DLGAP2: variants seen among roughly 807,000 people sequenced by gnomAD.
The protein encoded by DLGAP2 is disks large-associated protein 2.
In DLGAP2, 26 loss-of-function variants were observed where a neutral mutation model predicts 100.3. The observed-to-expected ratio is 0.26, with a 90% CI of 0.19 to 0.36. The LOEUF is 0.36. Ranked by LOEUF, DLGAP2 falls within the 10% of genes least tolerant of loss-of-function variation. The pLI, the probability that DLGAP2 is intolerant of heterozygous loss-of-function variation, is 1.00. For synonymous variants in DLGAP2, 886 were observed against 630.1 expected, an observed-to-expected ratio of 1.41 and a Z score of -6.08; for missense variants, 1,858 against 1,453.2, an observed-to-expected ratio of 1.28 and a Z score of -4.53.
chr8:1,317,334 C>G (rs1379432474), intron 3 of DLGAP2, among the ~76,000 whole-genome samples: 7 of 127,968 alleles, frequency 5.5e-5, no homozygotes, highest in African/African-American at 9.0e-5. Context: ...AGTGCAGCGT[C>G]TCTCCAACAG....
chr8:1,106,520 G>A (rs554518213), intron 2 of DLGAP2, among the ~76,000 whole-genome samples: 92 of 151,224 alleles, frequency 6.1e-4, no homozygotes, highest in Non-Finnish European at 9.0e-4. Flanking sequence ...GGCCATTCTA[G>A]GAGGGTTTTC....
chr8:1,688,560 C>G (rs1414653105), intron 12 of DLGAP2: 3 of 152,174 alleles, frequency 2.0e-5, no homozygotes, highest in Non-Finnish European at 4.4e-5. Flanking sequence ...AGAGAGAACA[C>G]AGGACAACAC....
At chr8:1,420,499 A>C (rs1674435927) in intron 3 of DLGAP2, among the ~76,000 whole-genome samples, 1 of 152,186 alleles carries the variant, frequency 6.6e-6, no homozygotes, top group Admixed American at 6.5e-5. Context: ...CAAATTTCCT[A>C]AACTACAACT....
At chr8:894,162 CA>C (rs1380096575) in intron 1 of DLGAP2, among the ~76,000 whole-genome samples, 1 of 152,220 alleles carries the variant, frequency 6.6e-6, no homozygotes, top group Non-Finnish European at 1.5e-5. Context: ...GAGGCTCAGT[CA>C]GCTGAGCCCT....
At chr8:1,379,027 C>G (rs1173889282) in intron 3 of DLGAP2, among the ~76,000 whole-genome samples, 1 of 152,244 alleles carries the variant, frequency 6.6e-6, no homozygotes, top group African/African-American at 2.4e-5. Context: ...GATAAAGCTT[C>G]TTTTTAAATT....
At chr8:1,241,244 ACATGGAACCATGTCTAG>A (rs1326905718) in intron 2 of DLGAP2, among the ~76,000 whole-genome samples, 34 of 145,522 alleles carry the variant, frequency 2.3e-4, no homozygotes, top group African/African-American at 4.9e-4. Flanking sequence ...TAGTTCTGTC[ACATGGAACCATGTCTAG>A]TTCTCTCACA....
intron 2 of DLGAP2, among the ~76,000 whole-genome samples, chr8:1,234,915 G>C (rs1025180160): frequency 5.3e-5 from 8 of 152,216 alleles, no homozygotes; most frequent in African/African-American, 1.9e-4. Flanking sequence ...GCCATATCTA[G>C]TTCTCTCGCA....
At chr8:1,249,456 C>G (rs1798989184) in intron 2 of DLGAP2, among the ~76,000 whole-genome samples, 1 of 152,196 alleles carries the variant, frequency 6.6e-6, no homozygotes, top group Non-Finnish European at 1.5e-5. Flanking sequence ...CTGCTCTTAT[C>G]TATTTCTCAT....
intron 1 of DLGAP2, among the ~76,000 whole-genome samples, chr8:773,410 ATATG>A (rs1821420111): frequency 6.6e-6 from 1 of 151,384 alleles, no homozygotes; most frequent in Non-Finnish European, 1.5e-5. Flanking sequence ...GGTTAGTTAC[ATATG>A]TATACATGTG....
chr8:1,449,111 A>T (rs1798066184), intron 3 of DLGAP2, among the ~76,000 whole-genome samples: 1 of 152,072 alleles, frequency 6.6e-6, no homozygotes, highest in Non-Finnish European at 1.5e-5. Flanking sequence ...CGGCCTAATG[A>T]TTATTAATTC....
At chr8:1,305,735 G>C (rs911123505) in intron 3 of DLGAP2, among the ~76,000 whole-genome samples, 1 of 152,190 alleles carries the variant, frequency 6.6e-6, no homozygotes, top group African/African-American at 2.4e-5. Flanking sequence ...TAAAGCCTGG[G>C]AGCAGAAGCT....
chr8:1,200,867 G>T (rs1212508553), intron 2 of DLGAP2, among the ~76,000 whole-genome samples: 1 of 152,220 alleles, frequency 6.6e-6, no homozygotes, highest in Non-Finnish European at 1.5e-5. Flanking sequence ...GGCATCGAAC[G>T]ATGCGTCCGC....
At chr8:762,200 C>G (rs188616044) in intron 1 of DLGAP2, among the ~76,000 whole-genome samples, 2 of 152,276 alleles carry the variant, frequency 1.3e-5, no homozygotes, top group East Asian at 3.9e-4. Context: ...CCAACAGAAA[C>G]TAATATTCAT....
At chr8:999,647 T>G (rs554095027) in intron 2 of DLGAP2, among the ~76,000 whole-genome samples, 1 of 151,944 alleles carries the variant, frequency 6.6e-6, no homozygotes, top group East Asian at 2.0e-4. Flanking sequence ...CCTGGCTCAT[T>G]TTTTTGTATT....
chr8:854,496 G>A (rs1797239401), intron 1 of DLGAP2, among the ~76,000 whole-genome samples: 2 of 152,122 alleles, frequency 1.3e-5, no homozygotes, highest in South Asian at 4.1e-4. Flanking sequence ...CAGAAGGGGG[G>A]AGGTGGGTGA....
intron 5 of DLGAP2, among the ~76,000 whole-genome samples, chr8:1,550,354 G>A (rs1383887397): frequency 6.6e-6 from 1 of 152,220 alleles, no homozygotes; most frequent in Non-Finnish European, 1.5e-5. Flanking sequence ...TCATGCGTGA[G>A]TCTGGCCTGC....
intron 4 of DLGAP2, among the ~76,000 whole-genome samples, chr8:1,531,862 A>C (rs1161686429): frequency 6.6e-6 from 1 of 152,198 alleles, no homozygotes; most frequent in Non-Finnish European, 1.5e-5. Flanking sequence ...TTATTTAGAA[A>C]GTTTATTTTG....
intron 4 of DLGAP2, among the ~76,000 whole-genome samples, chr8:1,513,991 T>C (rs537082433): frequency 1.1e-4 from 17 of 152,242 alleles, no homozygotes; most frequent in African/African-American, 4.1e-4. Flanking sequence ...AGCTCACACA[T>C]CCCCTCCCCT....
chr8:1,110,503 C>T (rs534251438), intron 2 of DLGAP2, among the ~76,000 whole-genome samples: 28 of 148,196 alleles, frequency 1.9e-4, no homozygotes, highest in African/African-American at 1.0e-4. Flanking sequence ...GATGTGTGCA[C>T]GTGCCTGTGA....
Sources: gnomAD v4.1 joint callset for allele counts (sites outside exome capture counted in the v4.1 genomes callset) on GRCh38, gnomAD v4.1.1 for gene constraint, MANE v1.5 for transcripts, NCBI Gene and HGNC (gene_info 2026-07-23, HGNC 2026-07-21) for gene names.